Variants in CEP120 observed in about 807,000 individuals in gnomAD.
CEP120 encodes centrosomal protein 120.
A neutral mutation model predicts 126.5 loss-of-function variants in CEP120; 113 were observed. That is an observed-to-expected ratio of 0.89 (90% confidence interval 0.77 to 1.04). The LOEUF (loss-of-function observed/expected upper bound fraction) is 1.04, where lower values mean the gene tolerates loss of function less well. Ranked by LOEUF, CEP120 falls within the 50% of genes least tolerant of loss-of-function variation. The pLI, the probability that CEP120 is intolerant of heterozygous loss-of-function variation, is 0.00. For synonymous variants in CEP120, 400 were observed against 394.3 expected, an observed-to-expected ratio of 1.01 and a Z score of -0.17; for missense variants, 1,230 against 1,155.7, an observed-to-expected ratio of 1.06 and a Z score of -0.93.
chr5:123,377,486 T>G lies in CEP120; in HGVS notation c.2246A>C (p.Gln749Pro). Residue 749 changes from glutamine to proline, a missense_variant, in exon 16 of 20, where the codon CAA becomes CCA. Physicochemically the swap from Gln to Pro is moderately conservative, Grantham distance 76 (BLOSUM62 -1). Transcript: ENST00000306467. Reference sequence around the variant, plus strand: ...CCTACGGATAGAGTCCTGCAGTTCTTGCAGGTTCCGCTGACGTTCTGATTG... The same window carrying G: ...CCTACGGATAGAGTCCTGCAGTTCTGGCAGGTTCCGCTGACGTTCTGATTG... ...ELQSERQRNL[Q>P]ELQDSIRRAK... 6.2e-7 allele frequency: 1 copy of G among 1,602,310 alleles called. No homozygotes were observed. Among genetic ancestry groups the G allele is most frequent in the Non-Finnish European group, 8.5e-7 (1 of 1,177,396 alleles).
Position 123,393,282 on chromosome 5 carries a change from A to T in CEP120, c.810+18T>A. ...AAAAGACCACCTCCAGCTAAAAACGATTTGCTGCAATACTCACCTGCAGTT... is the reference window on the plus strand; with the variant it reads ...AAAAGACCACCTCCAGCTAAAAACGTTTTGCTGCAATACTCACCTGCAGTT... On this transcript the variant is annotated intron_variant, in intron 6 of 19. Coordinates refer to ENST00000306467, the MANE Select transcript of CEP120 (RefSeq NM_001375405.1). 3 of 1,612,442 alleles carry T rather than the reference A, an allele frequency of 1.9e-6. No homozygotes were observed. Among genetic ancestry groups the T allele is most frequent in the Non-Finnish European group, 2.5e-6 (3 of 1,178,854 alleles).
At position 123,393,505 on chromosome 5, in the gene CEP120, T is replaced by A. The variant is rs771431986; in HGVS notation, c.613-8A>T. On this transcript the variant is annotated splice_polypyrimidine_tract_variant and splice_region_variant and intron_variant, in intron 5 of 19. Transcript: ENST00000306467. ...CATGGTACATGGAATTAACTAAACA[T>A]TTCAGGAAAAAGAAAACAGTTATTA... 1 of 1,610,154 alleles carries A rather than the reference T, an allele frequency of 6.2e-7. No homozygotes were observed. Among genetic ancestry groups the A allele is most frequent in the East Asian group, 2.2e-5 (1 of 44,860 alleles).
chr5:123,353,452 A>G (rs1426360906), intron 18 of CEP120, among the ~76,000 whole-genome samples: 1 of 151,784 alleles, frequency 6.6e-6, no homozygotes, highest in Non-Finnish European at 1.5e-5. Flanking sequence ...GTTTTAAAAG[A>G]CTGGCCAATT....
rs968962819 is a variant in CEP120, at chr5:123,346,205, G to A, written c.*314C>T. On this transcript the variant is annotated 3_prime_UTR_variant, in exon 20 of 20. Transcript: ENST00000306467. Reference sequence around the variant, plus strand: ...AAACATTATAGAACTGGAAATTACCGCAGTCATTTCTCCTACAACAAACTT... The same window carrying A: ...AAACATTATAGAACTGGAAATTACCACAGTCATTTCTCCTACAACAAACTT... The A allele has an allele frequency of 8.7e-5, 21 of 242,340 alleles. No homozygotes were observed. The highest frequency in any genetic ancestry group is 3.9e-4 in the African/African-American group (17 of 43,842). 15.0% of individuals were successfully genotyped at this position (242,340 alleles called of 1,614,324 possible). A position where few individuals can be genotyped will look rare whatever the true frequency, so the allele number is the denominator to read the frequency against.
intron 17 of CEP120, among the ~76,000 whole-genome samples, chr5:123,366,848 G>T (rs934499381): frequency 2.6e-5 from 4 of 151,692 alleles, no homozygotes; most frequent in African/African-American, 9.7e-5. Context: ...TACAGTATCT[G>T]TCCTACCCGC....
chr5:123,382,173 G>C lies in CEP120; in HGVS notation c.2041C>G (p.Gln681Glu), dbSNP rs778759232. ...QLKQKELAHM[Q>E]ALAEEWKKRD... is the part of the protein sequence containing the mutation. ...TTCTTCCATTCCTCTGCAAGAGCCT[G>C]CATATGAGCCAGTTCTTTCTGCTTC... Residue 681 changes from glutamine (Q) to glutamate (E), a missense_variant, in exon 14 of 20, where the codon CAG becomes GAG. Gln to Glu is a conservative substitution (Grantham distance 29, BLOSUM62 2). Transcript: ENST00000306467. 6.2e-7 allele frequency: 1 copy of C among 1,608,562 alleles called. No homozygotes were observed. Among genetic ancestry groups the C allele is most frequent in the South Asian group, 1.1e-5 (1 of 90,544 alleles).
intron 5 of CEP120, among the ~76,000 whole-genome samples, chr5:123,397,111 G>T (rs1379596305): frequency 6.6e-6 from 1 of 152,150 alleles, no homozygotes; most frequent in Non-Finnish European, 1.5e-5. Context: ...ATCACCTGAG[G>T]TCAGGAGTTT....
Position 123,393,413 on chromosome 5 carries a change from C to G in CEP120, c.697G>C (p.Glu233Gln). ...YSLLGNDVTN[E>Q]PFNDLINPNF... ...GGGTTGATTAAATCATTGAAGGGTT[C>G]ATTTGTAACATCATTTCCCAGTAAA... The change falls in exon 6 of 20, where the codon GAA becomes CAA. Residue 233 changes from glutamate (E) to glutamine (Q), a missense_variant. By Grantham distance (29) the Glu-to-Gln change is conservative. Coordinates refer to ENST00000306467, the MANE Select transcript of CEP120 (RefSeq NM_001375405.1). 1 of 1,614,032 alleles carries G rather than the reference C, an allele frequency of 6.2e-7. No homozygotes were observed. The highest frequency in any genetic ancestry group is 8.5e-7 in the Non-Finnish European group (1 of 1,179,958).
intron 4 of CEP120, chr5:123,403,243 A>G (rs1391896146): frequency 2.2e-6 from 1 of 455,022 alleles, no homozygotes; most frequent in Admixed American, 2.4e-5. Context: ...GGCTTCTAAA[A>G]ATCATTCTTT....
chr5:123,346,716 T>G lies in CEP120; in HGVS notation c.2764A>C (p.Thr922Pro). 1 of 1,612,642 alleles carries G rather than the reference T, an allele frequency of 6.2e-7. No homozygotes were observed. The highest frequency in any genetic ancestry group is 1.1e-5 in the South Asian group (1 of 90,712). The change falls in exon 20 of 20, where the codon ACA becomes CCA. Residue 922 changes from threonine (T) to proline (P), a missense_variant. By Grantham distance (38) the Thr-to-Pro change is conservative. Transcript: ENST00000306467. ...TCCTTTTTTCCACTTGCAATCTCTG[T>G]GGAATCCTGGTATTGTTTTTGCTCT... Reference protein sequence around the residue: ...QQEQKQYQDSTEIASGKKDGP... With the variant: ...QQEQKQYQDSPEIASGKKDGP...
intron 18 of CEP120, among the ~76,000 whole-genome samples, chr5:123,363,138 T>G (rs1185263562): frequency 6.6e-6 from 1 of 151,666 alleles, no homozygotes; most frequent in Non-Finnish European, 1.5e-5. Context: ...ATGATCATTC[T>G]GTTCATTATA....
intron 15 of CEP120, 69 bp from the exon 16 acceptor site, chr5:123,377,604 A>G (rs1771331697): frequency 8.5e-7 from 1 of 1,173,262 alleles, no homozygotes; most frequent in East Asian, 2.6e-5. Flanking sequence ...ATATTCCAAT[A>G]TCTTTCTATA....
intron 19 of CEP120, among the ~76,000 whole-genome samples, chr5:123,349,337 GC>G (rs1769044463): frequency 6.6e-6 from 1 of 151,708 alleles, no homozygotes; most frequent in Non-Finnish European, 1.5e-5. Flanking sequence ...TCACAAAGTA[GC>G]TTTGAAGATT....
At chr5:123,390,444 T>G (rs766046073) in intron 7 of CEP120, 15 of 448,580 alleles carry the variant, frequency 3.3e-5, no homozygotes, top group Non-Finnish European at 6.0e-5. Flanking sequence ...ACCAAGGCAG[T>G]ACAATGGAGA....
intron 18 of CEP120, among the ~76,000 whole-genome samples, chr5:123,359,683 T>C (rs1014145532): frequency 7.2e-5 from 11 of 152,176 alleles, no homozygotes; most frequent in Middle Eastern, 3.4e-3. Flanking sequence ...TTTTATGTTA[T>C]GCTTATTTAT....
At chr5:123,376,417 T>C (rs1771231525) in intron 16 of CEP120, among the ~76,000 whole-genome samples, 2 of 150,854 alleles carry the variant, frequency 1.3e-5, no homozygotes, top group African/African-American at 4.9e-5. Context: ...GGCACAAGAG[T>C]GGGAGATGAA....
chr5:123,366,205 G>C (rs1299758741), intron 17 of CEP120, among the ~76,000 whole-genome samples: 4 of 151,376 alleles, frequency 2.6e-5, no homozygotes, highest in Non-Finnish European at 5.9e-5. Context: ...GAAATATATG[G>C]ACCCAATTCC....
chr5:123,403,671 G>A, intron 4 of CEP120: 1 of 400,436 alleles, frequency 2.5e-6, no homozygotes, highest in Non-Finnish European at 4.9e-6. Context: ...TCAGAAATAG[G>A]ACAAATCAAA....
At chr5:123,395,584 T>C (rs1454259420) in intron 5 of CEP120, among the ~76,000 whole-genome samples, 2 of 152,176 alleles carry the variant, frequency 1.3e-5, no homozygotes, top group Non-Finnish European at 2.9e-5. Flanking sequence ...TTCATATAAA[T>C]GGAACCACAC....
Sources: allele counts gnomAD v4.1 joint callset (sites outside exome capture counted in the v4.1 genomes callset), GRCh38; gene constraint gnomAD v4.1.1; transcripts MANE v1.5; gene names NCBI Gene and HGNC (gene_info 2026-07-23, HGNC 2026-07-21).